Variants in PNPT1 observed in about 807,000 individuals in gnomAD.
PNPT1 encodes the protein polyribonucleotide nucleotidyltransferase 1, mitochondrial.
Under a neutral mutation model 119.5 loss-of-function variants are expected in PNPT1, and 53 were observed. The observed-to-expected ratio is 0.44, with a 90% confidence interval of 0.36 to 0.56. PNPT1 has a LOEUF of 0.56. Among genes scored for constraint, PNPT1 ranks in the 20% least tolerant of loss-of-function variants. The pLI, the probability that PNPT1 is intolerant of heterozygous loss-of-function variation, is 0.00. For missense variants in PNPT1, 948 were observed against 938.5 expected (o/e 1.01, Z -0.13); for synonymous variants, 357 against 322.1 (o/e 1.11, Z -1.16).
At position 55,647,589 on chromosome 2, in the gene PNPT1, G is replaced by A. The variant is rs1696042705; in HGVS notation, c.1496-136C>T. ...GACTGGAGTGCAGTGGCATGATCTT[G>A]GCTCACTGTAGCCTCTGCTTCCTGG... is the stretch of plus-strand genomic sequence containing the variant. On this transcript the variant is annotated intron_variant, in intron 18 of 27. Coordinates refer to ENST00000447944, the MANE Select transcript of PNPT1 (RefSeq NM_033109.5). 8 of 561,412 alleles carry A rather than the reference G, an allele frequency of 1.4e-5. No individual in the cohort carries two copies. The South Asian group carries it at 2.6e-4, about 18-fold the overall frequency. 34.8% of individuals were successfully genotyped at this position (561,412 alleles called of 1,614,324 possible). A position where few individuals can be genotyped will look rare whatever the true frequency, so the allele number is the denominator to read the frequency against.
intron 26 of PNPT1, among the ~76,000 whole-genome samples, chr2:55,639,870 T>A (rs1256904352): frequency 1.3e-5 from 2 of 152,210 alleles, no homozygotes; most frequent in South Asian, 2.1e-4. Flanking sequence ...AAGATTATCT[T>A]TTCCTACCAC....
chr2:55,660,087 G>A (rs1037061961), intron 15 of PNPT1, 70 bp downstream of exon 15: 4 of 1,421,730 alleles, frequency 2.8e-6, no homozygotes, highest in Admixed American at 2.4e-5. Context: ...CTGGACAACA[G>A]GGTGAGACCT....
intron 16 of PNPT1, 41 bp from the exon 17 acceptor site, chr2:55,656,261 G>C: frequency 6.2e-7 from 1 of 1,611,334 alleles, no homozygotes; most frequent in Non-Finnish European, 8.5e-7. Context: ...AATGTATTAA[G>C]TCTCTGTAAG....
intron 14 of PNPT1, 28 bp from the exon 15 acceptor site, chr2:55,660,221 A>C: frequency 6.4e-7 from 1 of 1,556,570 alleles, no homozygotes; most frequent in Non-Finnish European, 8.7e-7. Flanking sequence ...AATATTAAAA[A>C]CATCATAGGG....
intron 8 of PNPT1, among the ~76,000 whole-genome samples, chr2:55,674,529 G>T (rs1242140285): frequency 6.6e-6 from 1 of 152,132 alleles, no homozygotes; most frequent in Non-Finnish European, 1.5e-5. Context: ...GGAGGTGGAG[G>T]TTGCAGTGAG....
chr2:55,648,194 T>C (rs1350060137), intron 18 of PNPT1, among the ~76,000 whole-genome samples: 1 of 152,214 alleles, frequency 6.6e-6, no homozygotes, highest in Non-Finnish European at 1.5e-5. Context: ...ATATAATCTT[T>C]TGTTTTCTTT....
chr2:55,657,428 G>T (rs1195802732), intron 15 of PNPT1, among the ~76,000 whole-genome samples: 2 of 147,812 alleles, frequency 1.4e-5, no homozygotes, highest in Non-Finnish European at 3.0e-5. Flanking sequence ...TGCTCTTGTT[G>T]CCCAGGCTGG....
intron 15 of PNPT1, among the ~76,000 whole-genome samples, chr2:55,657,943 TAAA>T (rs1696442300): frequency 8.4e-6 from 1 of 119,590 alleles, no homozygotes; most frequent in South Asian, 2.6e-4. Flanking sequence ...TAAAAAGACT[TAAA>T]GAAATATCAG....
chr2:55,654,758 T>C lies in PNPT1; in HGVS notation c.1495+142A>G, dbSNP rs1269141666. On this transcript the variant is annotated intron_variant, in intron 18 of 27. Transcript: ENST00000447944. ...TAGCATTTTTTTTTAATCTTTTTTG[T>C]AGAGATGAGGTCTTGCTATGTTGCC... is the stretch of plus-strand genomic sequence containing the variant. 19 of 637,798 alleles carry C rather than the reference T, an allele frequency of 3.0e-5. No homozygotes were observed. The Admixed American group carries it at 5.2e-4, about 18-fold the overall frequency. The allele number at this position is 637,798 out of a possible 1,614,324, so 39.5% of individuals were successfully genotyped here. A position where few individuals can be genotyped will look rare whatever the true frequency, so the allele number is the denominator to read the frequency against.
At chr2:55,685,190 T>A in intron 3 of PNPT1, 142 bp from the exon 4 acceptor site, 1 of 571,238 alleles carries the variant, frequency 1.8e-6, no homozygotes, top group Non-Finnish European at 2.7e-6. Context: ...ATTTTGTATC[T>A]TTTGGGGAGA....
In PNPT1 at chr2:55,659,736, G is replaced by A. The variant is rs6725101; in HGVS notation, c.1284+421C>T. On this transcript the variant is annotated intron_variant, in intron 15 of 27. Coordinates refer to ENST00000447944, the MANE Select transcript of PNPT1 (RefSeq NM_033109.5). ...TATCATTCTACACAAAGCTTGCCAT[G>A]CCTTCTGTAAGCAATAAAATAGTAG... 0.14 allele frequency among the ~76,000 whole-genome samples: 21,540 copies of A among 151,910 alleles called. 3,121 individuals carry two copies. The highest frequency in any genetic ancestry group is 0.37 in the African/African-American group (15,446 of 41,362).
intron 18 of PNPT1, among the ~76,000 whole-genome samples, chr2:55,651,773 TAA>T (rs57793636): frequency 2.0e-3 from 257 of 126,418 alleles, no homozygotes; most frequent in Admixed American, 3.7e-3. Flanking sequence ...ATGATCAATT[TAA>T]AAAAAAAAAA....
At chr2:55,637,444 A>G (rs1695709697) in intron 27 of PNPT1, 108 bp downstream of exon 27, 1 of 999,546 alleles carries the variant, frequency 1.0e-6, no homozygotes, top group Non-Finnish European at 1.6e-6. Flanking sequence ...ACTGCATACA[A>G]ATAAAAAACT....
At chr2:55,689,243 A>T (rs1296814853) in intron 1 of PNPT1, among the ~76,000 whole-genome samples, 3 of 152,232 alleles carry the variant, frequency 2.0e-5, no homozygotes, top group African/African-American at 7.2e-5. Flanking sequence ...CAATTCAACA[A>T]TAAAGACAAC....
rs183802299 is a variant in PNPT1, at chr2:55,681,767, C to T, written c.454-849G>A. Among the ~76,000 whole-genome samples, 83 of 151,612 alleles carry T rather than the reference C, an allele frequency of 5.5e-4. 2 individuals carry two copies. Among genetic ancestry groups the T allele is most frequent in the African/African-American group, 1.9e-3 (79 of 41,248 alleles). ...GGCTGAGGCAGGAGAATCACTTGAA[C>T]CCGGAGGCAGAGGTTTCAGTGAGCT... On this transcript the variant is annotated intron_variant, in intron 5 of 27. Transcript: ENST00000447944.
chr2:55,686,546 A>G (rs1697411174), intron 2 of PNPT1, 102 bp from the exon 3 acceptor site: 1 of 797,956 alleles, frequency 1.3e-6, no homozygotes, highest in South Asian at 1.7e-5. Context: ...TCAAGAAAAG[A>G]TATCTAATTC....
chr2:55,692,313 C>T (rs1250030265), intron 1 of PNPT1, among the ~76,000 whole-genome samples: 2 of 152,178 alleles, frequency 1.3e-5, no homozygotes, highest in African/African-American at 2.4e-5. Flanking sequence ...CCACTCTCCA[C>T]ACTTTGCACA....
rs1366094120 is a variant in PNPT1 at position 55,654,959 on chromosome 2, G to A, written c.1442-6C>T. The A allele has an allele frequency of 6.2e-7, 1 of 1,610,896 alleles. No individual in the cohort carries two copies. The highest frequency in any genetic ancestry group is 2.2e-5 in the East Asian group (1 of 44,788). On this transcript the variant is annotated splice_region_variant and splice_polypyrimidine_tract_variant and intron_variant, in intron 17 of 27. Transcript: ENST00000447944. ...AGATGCCATAGAAGATGACCCTATA[G>A]AAAGAAAAATAACTGCTTTATATTA...
intron 21 of PNPT1, among the ~76,000 whole-genome samples, chr2:55,645,676 C>T (rs555791982): frequency 1.4e-3 from 215 of 152,192 alleles, no homozygotes; most frequent in African/African-American, 5.1e-3. Context: ...ATTCATGTGT[C>T]CCAAAAACTT....
Sources: allele counts gnomAD v4.1 joint callset (sites outside exome capture counted in the v4.1 genomes callset), GRCh38; gene constraint gnomAD v4.1.1; transcripts MANE v1.5; gene names NCBI Gene and HGNC (gene_info 2026-07-23, HGNC 2026-07-21).